ESRRA: variants seen among roughly 807,000 people sequenced by gnomAD.
ESRRA encodes the protein estrogen related receptor alpha.
In ESRRA, 7 loss-of-function variants were observed where a neutral mutation model predicts 35.6. The observed-to-expected ratio is 0.20, with a 90% CI of 0.11 to 0.37. ESRRA has a LOEUF of 0.37. Among genes scored for constraint, ESRRA ranks in the 10% least tolerant of loss-of-function variants. The pLI is 1.00. For synonymous variants in ESRRA, 223 were observed against 246.9 expected, an observed-to-expected ratio of 0.90 and a Z score of 0.91; for missense variants, 378 against 561.7, an observed-to-expected ratio of 0.67 and a Z score of 3.31.
chr11:64,314,243 G>C lies in ESRRA; in HGVS notation c.447G>C (p.Val149=). 1 of 1,609,978 alleles carries C rather than the reference G, an allele frequency of 6.2e-7. No individual in the cohort carries two copies. Among genetic ancestry groups the C allele is most frequent in the Non-Finnish European group, 8.5e-7 (1 of 1,178,948 alleles). ...CLRVGMLKEG[V]RLDRVRGGRQ... Reference sequence around the variant, plus strand: ...CTATCTGTCCCACAATTCAAGGAGTGCGCCTGGACCGCGTCCGGGGTGGGC... The same window carrying C: ...CTATCTGTCCCACAATTCAAGGAGTCCGCCTGGACCGCGTCCGGGGTGGGC... Residue 149 remains valine, a synonymous_variant, in exon 4 of 7, where the codon GTG becomes GTC. Transcript: ENST00000000442.
chr11:64,315,864 G>A lies in ESRRA; in HGVS notation c.1170G>A (p.Gln390=). ...RLLLTLPLLR[Q]TAGKVLAHFY... ...TGCTCACGCTACCGCTCCTCCGCCA[G>A]ACAGCGGGCAAAGTGCTGGCCCATT... is the stretch of plus-strand genomic sequence containing the variant. Residue 390 remains glutamine (Q), a synonymous_variant, in exon 7 of 7, where the codon CAG becomes CAA. Coordinates refer to ENST00000000442, the MANE Select transcript of ESRRA (RefSeq NM_004451.5). 1.2e-6 allele frequency: 2 copies of A among 1,610,476 alleles called. No homozygotes were observed. Among genetic ancestry groups the A allele is most frequent in the East Asian group, 2.2e-5 (1 of 44,808 alleles).
At chr11:64,308,672 T>A (rs1458830211) in intron 2 of ESRRA, among the ~76,000 whole-genome samples, 1 of 141,958 alleles carries the variant, frequency 7.0e-6, no homozygotes. Flanking sequence ...AAAAATTAGC[T>A]GGGCATGGTG....
At position 64,307,202 on chromosome 11, in the gene ESRRA, T is replaced by C. The variant is rs1480963674; in HGVS notation, c.23T>C (p.Ile8Thr). The C allele has an allele frequency of 6.3e-7, 1 of 1,596,364 alleles. No homozygotes were observed. Among genetic ancestry groups the C allele is most frequent in the Non-Finnish European group, 8.6e-7 (1 of 1,167,980 alleles). Reference sequence around the variant, plus strand: ...GCCATGTCCAGCCAGGTGGTGGGCATTGAGCCTCTCTACATCAAGGCAGAG... The same window carrying C: ...GCCATGTCCAGCCAGGTGGTGGGCACTGAGCCTCTCTACATCAAGGCAGAG... MSSQVVG[I>T]EPLYIKAEPA... The change falls in exon 2 of 7, where the codon ATT (isoleucine) becomes ACT (threonine). Residue 8 changes from isoleucine (I) to threonine (T), a missense_variant. Ile to Thr is a moderately conservative substitution (Grantham distance 89). Around this residue, in one of 4 missense-constraint regions of ESRRA, gnomAD observed 87 missense variants for 92.6 expected, o/e 0.94. Coordinates refer to ENST00000000442, the MANE Select transcript of ESRRA (RefSeq NM_004451.5).
rs574616164 is a variant in ESRRA at position 64,308,687 on chromosome 11, G to A, written c.325+1183G>A. Reference sequence around the variant, plus strand: ...AAAAATTAGCTGGGCATGGTGGCGGGCGCCTGTAATCCCAGCTACTTGGGA... The same window carrying A: ...AAAAATTAGCTGGGCATGGTGGCGGACGCCTGTAATCCCAGCTACTTGGGA... On this transcript the variant is annotated intron_variant, in intron 2 of 6. Coordinates refer to ENST00000000442, the MANE Select transcript of ESRRA (RefSeq NM_004451.5). Among the ~76,000 whole-genome samples the A allele has an allele frequency of 1.5e-3, 220 of 147,836 alleles. 5 individuals are homozygous for A. In the South Asian group the frequency reaches 0.046, roughly 31 times the overall value.
chr11:64,310,615 G>GCC, intron 2 of ESRRA, among the ~76,000 whole-genome samples: 1 of 133,184 alleles, frequency 7.5e-6, no homozygotes, highest in African/African-American at 2.9e-5. Flanking sequence ...GCCTGCAGTC[G>GCC]TGGTTCACTG....
rs2035249474 is a variant in ESRRA at position 64,315,991 on chromosome 11, TTC to T, written c.*27_*28del. ...AGGCAAGGGGTGGGACTGGTGGGGG[TTC>T]TGGCAGGACCTGCCTAGCATGGGGT... On this transcript the variant is annotated 3_prime_UTR_variant, in exon 7 of 7. Transcript: ENST00000000442. 2 of 1,543,236 alleles carry T rather than the reference TTC, an allele frequency of 1.3e-6. No individual in the cohort carries two copies. The highest frequency in any genetic ancestry group is 3.7e-5 in the Admixed American group (2 of 53,682).
At chr11:64,307,082 CCCGAGGT>C in intron 1 of ESRRA, 79 bp from the exon 2 acceptor site, 2 of 1,201,634 alleles carry the variant, frequency 1.7e-6, no homozygotes, top group East Asian at 5.0e-5. Flanking sequence ...TGGCCCTAGG[CCCGAGGT>C]TGGGCAACCC....
Position 64,315,314 on chromosome 11 carries a change from G to A in ESRRA, c.1012+44G>A, listed in dbSNP as rs375982395. On this transcript the variant is annotated intron_variant, in intron 6 of 6. Coordinates refer to ENST00000000442, the MANE Select transcript of ESRRA (RefSeq NM_004451.5). ...CTGACAGGTGAGGTGTCTCCGTAAG[G>A]TCTTCAGGTTAACTCAGTGACGGTA... 134 of 1,514,396 alleles carry A rather than the reference G, an allele frequency of 8.8e-5. No homozygotes were observed. The African/African-American group carries it at 1.7e-3, about 19-fold the overall frequency. The allele number at this position is 1,514,396 out of a possible 1,614,324, so 93.8% of individuals were successfully genotyped here.
chr11:64,306,988 A>C (rs2035046155), intron 1 of ESRRA, 180 bp from the exon 2 acceptor site: 2 of 474,518 alleles, frequency 4.2e-6, no homozygotes, highest in Non-Finnish European at 7.4e-6. Context: ...TTTCCATGGC[A>C]ACAGCTAGGA....
At position 64,316,082 on chromosome 11, in the gene ESRRA, G is replaced by A. The variant is rs2035253043; in HGVS notation, c.*116G>A. ...TGCCACAGCCTGCTGGCAGGGCCAG[G>A]GCAATGCCATCAGCCCCTGGGAACA... is the stretch of plus-strand genomic sequence containing the variant. On this transcript the variant is annotated 3_prime_UTR_variant, in exon 7 of 7. Coordinates refer to ENST00000000442, the MANE Select transcript of ESRRA (RefSeq NM_004451.5). The A allele has an allele frequency of 5.5e-6, 7 of 1,266,274 alleles. No homozygotes were observed. In the Middle Eastern group the frequency reaches 1.4e-3, roughly 262 times the overall value. The allele number at this position is 1,266,274 out of a possible 1,614,324, so 78.4% of individuals were successfully genotyped here.
At chr11:64,311,755 C>A (rs1172384652) in intron 2 of ESRRA, among the ~76,000 whole-genome samples, 1 of 150,942 alleles carries the variant, frequency 6.6e-6, no homozygotes, top group Non-Finnish European at 1.5e-5. Flanking sequence ...TACAGTGGCA[C>A]GATCTCAGCT....
chr11:64,309,653 G>C (rs1419202099), intron 2 of ESRRA, among the ~76,000 whole-genome samples: 1 of 149,310 alleles, frequency 6.7e-6, no homozygotes, highest in African/African-American at 2.5e-5. Context: ...AAAAAAAAAG[G>C]CCAAGTGTGG....
At position 64,307,365 on chromosome 11, in the gene ESRRA, C is replaced by T. The variant is rs530019281; in HGVS notation, c.186C>T (p.Gly62=). Residue 62 remains glycine (G), a synonymous_variant, in exon 2 of 7, where the codon GGC becomes GGT. Transcript: ENST00000000442. ...AGGATGGGGAGGGGGCTGGGCCTGG[C>T]GAGCAGGGCGGTGGGAAGCTGGTGC... ...EEEDGEGAGP[G]EQGGGKLVLS... is the part of the protein sequence containing the mutation. 7.1e-5 allele frequency: 114 copies of T among 1,608,272 alleles called. No homozygotes were observed. Among genetic ancestry groups the T allele is most frequent in the Admixed American group, 3.2e-4 (19 of 59,634 alleles).
At chr11:64,314,536 A>T (rs1172189756) in intron 4 of ESRRA, among the ~76,000 whole-genome samples, 169 bp downstream of exon 4, 1 of 152,212 alleles carries the variant, frequency 6.6e-6, no homozygotes, top group Admixed American at 6.5e-5. Flanking sequence ...TAGAACTGGG[A>T]ACAGGGACGA....
At chr11:64,311,115 C>T (rs571382937) in intron 2 of ESRRA, among the ~76,000 whole-genome samples, 114 of 152,250 alleles carry the variant, frequency 7.5e-4, no homozygotes, top group Non-Finnish European at 1.3e-3. Flanking sequence ...CTCTGTGGGG[C>T]ACTTTTACAG....
chr11:64,307,943 A>C lies in ESRRA; in HGVS notation c.325+439A>C, dbSNP rs2035066849. On this transcript the variant is annotated intron_variant, in intron 2 of 6. Transcript: ENST00000000442. ...AGTCTCACTCTGTTGTTCAGGCTAG[A>C]GTGCAGTGGCACAATCTCTGCTCAC... Among the ~76,000 whole-genome samples the C allele has an allele frequency of 2.6e-5, 4 of 151,878 alleles. No individual in the cohort carries two copies. The South Asian group carries it at 8.3e-4, about 32-fold the overall frequency.
chr11:64,311,555 A>G (rs2035140763), intron 2 of ESRRA, among the ~76,000 whole-genome samples: 1 of 151,700 alleles, frequency 6.6e-6, no homozygotes, highest in South Asian at 2.1e-4. Flanking sequence ...AGCTGGGATT[A>G]CAGGCGCATG....
At chr11:64,314,687 CCT>C (rs749826522) in intron 4 of ESRRA, 52 bp from the exon 5 acceptor site, 224 of 1,551,618 alleles carry the variant, frequency 1.4e-4, no homozygotes, top group Middle Eastern at 7.1e-4. Context: ...ATGCTTGACC[CCT>C]GAGGCCTGAC....
rs904748237 is a variant in ESRRA at position 64,313,619 on chromosome 11, A to G, written c.326-332A>G. On this transcript the variant is annotated intron_variant, in intron 2 of 6. Transcript: ENST00000000442. This position sits in a 1 kb window ranked among gnomAD's most constrained non-coding sequence, Gnocchi z 4.0. ...AGCCTTAGATCCTCCTTTTAGGCCAAGTAACATGAGGACTAAGAATTGACC... is the reference window on the plus strand; with the variant it reads ...AGCCTTAGATCCTCCTTTTAGGCCAGGTAACATGAGGACTAAGAATTGACC... Among the ~76,000 whole-genome samples the G allele has an allele frequency of 6.6e-6, 1 of 152,228 alleles. No homozygotes were observed. Among genetic ancestry groups the G allele is most frequent in the Admixed American group, 6.5e-5 (1 of 15,290 alleles).
Sources: gnomAD v4.1 joint callset for allele counts (sites outside exome capture counted in the v4.1 genomes callset) on GRCh38, gnomAD v4.1.1 for gene constraint, gnomAD v4.1.1 regional missense constraint, Gnocchi (gnomAD v3.1) non-coding constraint, MANE v1.5 for transcripts, NCBI Gene and HGNC (gene_info 2026-07-23, HGNC 2026-07-21) for gene names.